USP35: variants seen among roughly 807,000 people sequenced by gnomAD.
USP35 encodes ubiquitin carboxyl-terminal hydrolase 35.
In USP35, 69 loss-of-function variants were observed where a neutral mutation model predicts 83.8. The ratio of observed to expected loss-of-function variants is 0.82; its 90% CI spans 0.68 to 1.01. The LOEUF is 1.01. Ranked by LOEUF, USP35 falls within the 50% of genes least tolerant of loss-of-function variation. The pLI is 0.00. For synonymous variants in USP35, 714 were observed against 589.5 expected, an observed-to-expected ratio of 1.21 and a Z score of -3.06; for missense variants, 1,503 against 1,362.5, an observed-to-expected ratio of 1.10 and a Z score of -1.62.
intron 2 of USP35, 129 bp from the exon 3 acceptor site, chr11:78,197,807 G>A (rs1000768949): frequency 7.6e-7 from 1 of 1,321,040 alleles, no homozygotes; most frequent in African/African-American, 1.5e-5. Context: ...TGCTATAGGA[G>A]AGGAGGTGGC....
intron 6 of USP35, among the ~76,000 whole-genome samples, chr11:78,204,288 T>C (rs774839315): frequency 6.6e-6 from 1 of 152,258 alleles, no homozygotes; most frequent in East Asian, 1.9e-4. Context: ...CAGCAAATTA[T>C]AGGATTTTAC....
chr11:78,199,095 C>T (rs1863255391), intron 3 of USP35: 1 of 166,268 alleles, frequency 6.0e-6, no homozygotes, highest in Admixed American at 5.7e-5. Context: ...ATGGAATATC[C>T]TGCTCAATGG....
chr11:78,231,336 G>GGGGT, the USP35 span, among the ~76,000 whole-genome samples: 1 of 145,796 alleles, frequency 6.9e-6, no homozygotes. Context: ...GCGCGTGTGT[G>GGGGT]GTGTGTGTGT....
chr11:78,226,675 C>T, the USP35 span: 1 of 1,613,932 alleles, frequency 6.2e-7, no homozygotes, highest in Non-Finnish European at 8.5e-7. Context: ...TGGTTTTTGT[C>T]CAGAGTGAAT....
chr11:78,226,260 T>A, the USP35 span, among the ~76,000 whole-genome samples: 3 of 152,226 alleles, frequency 2.0e-5, no homozygotes, highest in Non-Finnish European at 4.4e-5. Context: ...GCTAGCTCTG[T>A]TAGACAACTA....
chr11:78,228,190 G>A, the USP35 span, among the ~76,000 whole-genome samples: 4 of 152,118 alleles, frequency 2.6e-5, no homozygotes, highest in Non-Finnish European at 5.9e-5. Context: ...CAAGCCCTTC[G>A]TTTCACAAGA....
At chr11:78,223,513 A>G in the USP35 span, 2 of 1,612,458 alleles carry the variant, frequency 1.2e-6, no homozygotes, top group Non-Finnish European at 1.7e-6. Context: ...TGGGTAGCCA[A>G]GTGAGTCAAA....
chr11:78,227,314 T>C, the USP35 span, among the ~76,000 whole-genome samples: 1 of 152,194 alleles, frequency 6.6e-6, no homozygotes, highest in Non-Finnish European at 1.5e-5. Flanking sequence ...GCCAGATGGA[T>C]TGCCTATTTG....
At chr11:78,233,961 A>G in the USP35 span, among the ~76,000 whole-genome samples, 1 of 152,168 alleles carries the variant, frequency 6.6e-6, no homozygotes, top group African/African-American at 2.4e-5. Flanking sequence ...TAATTTTGAT[A>G]AAGACTACTT....
chr11:78,191,003 T>C (rs1862986756), intron 1 of USP35, among the ~76,000 whole-genome samples: 1 of 151,348 alleles, frequency 6.6e-6, no homozygotes, highest in Admixed American at 6.6e-5. Context: ...GGCTGGAGAG[T>C]GTTGAGAGTT....
the USP35 span, among the ~76,000 whole-genome samples, chr11:78,232,568 G>A: frequency 6.6e-6 from 1 of 152,228 alleles, no homozygotes; most frequent in Non-Finnish European, 1.5e-5. Flanking sequence ...TTTTAGCTCA[G>A]TGGAAGACCT....
chr11:78,225,880 A>G, the USP35 span, among the ~76,000 whole-genome samples: 1 of 152,242 alleles, frequency 6.6e-6, no homozygotes, highest in Non-Finnish European at 1.5e-5. Context: ...GCAAGATGCA[A>G]AATGAAAGGA....
At chr11:78,194,205 C>T (rs920491823) in intron 1 of USP35, among the ~76,000 whole-genome samples, 1 of 151,128 alleles carries the variant, frequency 6.6e-6, no homozygotes, top group Middle Eastern at 3.2e-3. Flanking sequence ...ACTAATAAAC[C>T]CTGGTCCTTT....
At chr11:78,223,663 A>G in the USP35 span, 72 of 1,601,354 alleles carry the variant, frequency 4.5e-5, no homozygotes, top group African/African-American at 6.7e-4. Context: ...TCGGCCCACA[A>G]TCATTTTCCC....
At chr11:78,193,900 G>A (rs1255766927) in intron 1 of USP35, among the ~76,000 whole-genome samples, 1 of 152,180 alleles carries the variant, frequency 6.6e-6, no homozygotes, top group African/African-American at 2.4e-5. Context: ...GCACGATCTT[G>A]CCTTACTTCA....
At chr11:78,225,816 C>T in the USP35 span, among the ~76,000 whole-genome samples, 1 of 152,188 alleles carries the variant, frequency 6.6e-6, no homozygotes, top group African/African-American at 2.4e-5. Context: ...CCACCAACCT[C>T]TCTGCCTGGC....
At chr11:78,213,238 G>T (rs759883259) in intron 10 of USP35, among the ~76,000 whole-genome samples, 1 of 150,874 alleles carries the variant, frequency 6.6e-6, no homozygotes, top group Non-Finnish European at 1.5e-5. Flanking sequence ...GCAGGGTGGC[G>T]GGTAAGGATC....
At chr11:78,228,499 C>T in the USP35 span, among the ~76,000 whole-genome samples, 4 of 152,284 alleles carry the variant, frequency 2.6e-5, no homozygotes, top group East Asian at 7.7e-4. Flanking sequence ...TGAGGCCAAT[C>T]CCTGGACCTT....
rs139748612 is a variant in USP35, at chr11:78,214,377, T to TGGGGGGGGGGGGGGGGGGG, written c.*564_*565insGGGGGGGGGGGGGGGGGGG. On this transcript the variant is annotated 3_prime_UTR_variant, in exon 11 of 11. Transcript: ENST00000529308. Reference sequence around the variant, plus strand: ...CCTTACCAAGCGCCACTGCATGGTTTTGGGGGGGGGGGCGGGGGGCTAGCT... The same window carrying TGGGGGGGGGGGGGGGGGGG: ...CCTTACCAAGCGCCACTGCATGGTTTGGGGGGGGGGGGGGGGGGGTGGGGGGGGGGGCGGGGGGCTAGCT... The TGGGGGGGGGGGGGGGGGGG allele has an allele frequency of 1.9e-5, 1 of 52,888 alleles. No individual in the cohort carries two copies. The highest frequency in any genetic ancestry group is 4.5e-5 in the Non-Finnish European group (1 of 22,408). 3.3% of individuals were successfully genotyped at this position (52,888 alleles called of 1,614,324 possible).
Sources: gnomAD v4.1 joint callset for allele counts (sites outside exome capture counted in the v4.1 genomes callset) on GRCh38, gnomAD v4.1.1 for gene constraint, MANE v1.5 for transcripts, NCBI Gene and HGNC (gene_info 2026-07-23, HGNC 2026-07-21) for gene names.